NEDD9: variants seen among roughly 807,000 people sequenced by gnomAD.
NEDD9 encodes the protein enhancer of filamentation 1.
NEDD9 carries 26 observed loss-of-function variants against 76.6 expected under a neutral mutation model. The ratio of observed to expected loss-of-function variants is 0.34; its 90% CI spans 0.25 to 0.47. NEDD9 has a LOEUF of 0.47. Among genes scored for constraint, NEDD9 ranks in the 20% least tolerant of loss-of-function variants. The pLI, the probability that NEDD9 is intolerant of heterozygous loss-of-function variation, is 1.00. For missense variants in NEDD9, 937 were observed against 1,058.5 expected (o/e 0.89, Z 1.59); for synonymous variants, 392 against 414.2 (o/e 0.95, Z 0.65).
intron 2 of NEDD9, among the ~76,000 whole-genome samples, chr6:11,318,076 C>T (rs1761629059): frequency 6.6e-6 from 1 of 152,112 alleles, no homozygotes; most frequent in Non-Finnish European, 1.5e-5. Context: ...ATCAGATCTT[C>T]CTGGGTCTCA....
In NEDD9 at chr6:11,232,498, T is replaced by C. The variant is rs762357160; in HGVS notation, c.12+6A>G. 6.2e-7 allele frequency: 1 copy of C among 1,614,234 alleles called. No individual in the cohort carries two copies. The highest frequency in any genetic ancestry group is 1.7e-5 in the Admixed American group (1 of 60,026). Reference sequence around the variant, plus strand: ...GCAAGGTAACCTGTAAAAGGCACTCTCTTACCTTATACTTCATTTCGGCAG... The same window carrying C: ...GCAAGGTAACCTGTAAAAGGCACTCCCTTACCTTATACTTCATTTCGGCAG... On this transcript the variant is annotated splice_donor_region_variant and intron_variant, in intron 1 of 6. Transcript: ENST00000379446.
intron 3 of NEDD9, among the ~76,000 whole-genome samples, chr6:11,240,340 G>C (rs1232590817): frequency 4.6e-5 from 7 of 152,164 alleles, no homozygotes; most frequent in Admixed American, 2.6e-4. Context: ...GGCTGTCACT[G>C]TACAGCCCCT....
intron 1 of NEDD9, among the ~76,000 whole-genome samples, chr6:11,359,986 G>A (rs568770754): frequency 6.6e-6 from 1 of 152,346 alleles, no homozygotes; most frequent in South Asian, 2.1e-4. Context: ...TATCATGAAA[G>A]GAGGATGTTT....
chr6:11,244,971 A>G (rs1759780261), intron 3 of NEDD9, among the ~76,000 whole-genome samples: 1 of 152,220 alleles, frequency 6.6e-6, no homozygotes, highest in Non-Finnish European at 1.5e-5. Context: ...TTTACATGCA[A>G]TGACAGTGTG....
chr6:11,353,317 T>TGAAGGTG (rs1177115096), intron 1 of NEDD9, among the ~76,000 whole-genome samples: 1 of 152,212 alleles, frequency 6.6e-6, no homozygotes, highest in Non-Finnish European at 1.5e-5. Flanking sequence ...GATGAGGTCA[T>TGAAGGTG]GAAGGTGAGC....
At chr6:11,323,553 A>T (rs778809202) in intron 2 of NEDD9, among the ~76,000 whole-genome samples, 22 of 152,104 alleles carry the variant, frequency 1.4e-4, no homozygotes, top group Non-Finnish European at 2.9e-4. Flanking sequence ...GGTTGCTACT[A>T]GCATGCAGTG....
Position 11,241,872 on chromosome 6 carries a change from G to C in NEDD9, c.13-28145C>G, listed in dbSNP as rs1288893684. Among the ~76,000 whole-genome samples, 1 of 152,218 alleles carries C rather than the reference G, an allele frequency of 6.6e-6. No homozygotes were observed. Among genetic ancestry groups the C allele is most frequent in the Non-Finnish European group, 1.5e-5 (1 of 68,038 alleles). Reference sequence around the variant, plus strand: ...GTCCGGCCAGCCCAAGCAGCCGCCAGCTGGCGCTCGTGAGCGCATGAAAGG... The same window carrying C: ...GTCCGGCCAGCCCAAGCAGCCGCCACCTGGCGCTCGTGAGCGCATGAAAGG... On this transcript the variant is annotated intron_variant, in intron 3 of 3. Transcript: ENST00000397378. This position sits in a 1 kb window ranked among gnomAD's most constrained non-coding sequence, Gnocchi z 4.0.
At chr6:11,378,791 C>T (rs1763010953) in intron 1 of NEDD9, among the ~76,000 whole-genome samples, 1 of 152,156 alleles carries the variant, frequency 6.6e-6, no homozygotes, top group Non-Finnish European at 1.5e-5. Flanking sequence ...GAATTACAGA[C>T]CTTCACGAAC....
intron 2 of NEDD9, among the ~76,000 whole-genome samples, chr6:11,319,701 C>CAT (rs1761726888): frequency 7.1e-6 from 1 of 141,382 alleles, no homozygotes; most frequent in South Asian, 2.2e-4. Context: ...CTCACACAAA[C>CAT]ATGCACACAC....
At chr6:11,251,932 ATG>A (rs754363017) in intron 3 of NEDD9, among the ~76,000 whole-genome samples, 17 of 151,966 alleles carry the variant, frequency 1.1e-4, no homozygotes, top group South Asian at 2.1e-4. Flanking sequence ...GACTCTATGT[ATG>A]TGTGTGTGGG....
rs140929873 is a variant in NEDD9, at chr6:11,257,942, T to A, written c.13-44215A>T. ...TTGTTTTTTGAAACTGACTCTGAAG[T>A]TTTCATTTACAGTCAAATATAAATA... On this transcript the variant is annotated intron_variant, in intron 3 of 3. Coordinates refer to the NEDD9 transcript ENST00000397378. Among the ~76,000 whole-genome samples, 8 of 152,290 alleles carry A rather than the reference T, an allele frequency of 5.3e-5. No individual in the cohort carries two copies. The East Asian group carries it at 1.5e-3, about 29-fold the overall frequency.
intron 3 of NEDD9, among the ~76,000 whole-genome samples, chr6:11,283,720 A>C (rs1042094715): frequency 2.0e-5 from 3 of 152,196 alleles, no homozygotes; most frequent in Non-Finnish European, 2.9e-5. Flanking sequence ...TCCTACACAC[A>C]AAGGTTAATG....
intron 3 of NEDD9, among the ~76,000 whole-genome samples, chr6:11,281,284 C>A (rs11969780): frequency 6.6e-6 from 1 of 152,216 alleles, no homozygotes; most frequent in African/African-American, 2.4e-5. Context: ...GGGCTCTTCC[C>A]CAGCCCTAAA....
At chr6:11,329,731 C>G (rs578230733) in intron 2 of NEDD9, among the ~76,000 whole-genome samples, 46 of 151,974 alleles carry the variant, frequency 3.0e-4, no homozygotes, top group African/African-American at 9.4e-4. Context: ...AGCAATGTCT[C>G]GAGATGTTTT....
At chr6:11,328,678 C>T (rs367771088) in intron 2 of NEDD9, 4 of 152,250 alleles carry the variant, frequency 2.6e-5, no homozygotes, top group East Asian at 1.9e-4. Context: ...GTGCAGCAGC[C>T]GGGTGACCCT....
intron 3 of NEDD9, among the ~76,000 whole-genome samples, chr6:11,280,913 G>C (rs1760523118): frequency 6.6e-6 from 1 of 152,140 alleles, no homozygotes. Flanking sequence ...TGTCTTGCTG[G>C]GATCTTTTCT....
At chr6:11,338,461 C>G (rs1762208183) in intron 1 of NEDD9, among the ~76,000 whole-genome samples, 1 of 152,160 alleles carries the variant, frequency 6.6e-6, no homozygotes, top group African/African-American at 2.4e-5. Flanking sequence ...TGTTTTTTAA[C>G]AACAGCCCTA....
intron 3 of NEDD9, among the ~76,000 whole-genome samples, chr6:11,305,576 G>A (rs921897109): frequency 5.3e-5 from 8 of 152,196 alleles, no homozygotes; most frequent in Non-Finnish European, 5.9e-5. Flanking sequence ...AGGAATGGCC[G>A]AATGGAAGTT....
chr6:11,310,728 T>C (rs1234243358), intron 2 of NEDD9, among the ~76,000 whole-genome samples: 1 of 152,238 alleles, frequency 6.6e-6, no homozygotes, highest in East Asian at 1.9e-4. Context: ...ACTTTCCCCA[T>C]GTTTTTCAAT....
Sources: allele counts gnomAD v4.1 joint callset (sites outside exome capture counted in the v4.1 genomes callset), GRCh38; gene constraint gnomAD v4.1.1; non-coding constraint Gnocchi (gnomAD v3.1); transcripts MANE v1.5; gene names NCBI Gene and HGNC (gene_info 2026-07-23, HGNC 2026-07-21).